GALNT15: variants seen among roughly 807,000 people sequenced by gnomAD.
GALNT15 encodes the protein polypeptide N-acetylgalactosaminyltransferase 15.
A neutral mutation model predicts 66.8 loss-of-function variants in GALNT15; 67 were observed. The ratio of observed to expected loss-of-function variants is 1.00; its 90% CI spans 0.82 to 1.23. The LOEUF (loss-of-function observed/expected upper bound fraction) is 1.23. Ranked by LOEUF, GALNT15 falls within the 50% of genes most tolerant of loss-of-function variation. The pLI is 0.00. For missense variants in GALNT15, 827 were observed against 804.3 expected, an observed-to-expected ratio of 1.03 and a Z score of -0.34; for synonymous variants, 313 against 311.5, an observed-to-expected ratio of 1.00 and a Z score of -0.05.
chr3:16,215,842 G>A (rs973439824), intron 6 of GALNT15, among the ~76,000 whole-genome samples: 5 of 150,042 alleles, frequency 3.3e-5, no homozygotes, highest in Admixed American at 6.8e-5. Context: ...CCCAGAAGGC[G>A]GAGGTTGTAG....
At chr3:16,245,851 C>T in the GALNT15 span, among the ~76,000 whole-genome samples, 2 of 152,146 alleles carry the variant, frequency 1.3e-5, no homozygotes, top group Non-Finnish European at 2.9e-5. Context: ...TCTGCAAGCT[C>T]CAGGGAGGAA....
chr3:16,222,893 G>A (rs1280480798), intron 9 of GALNT15, 135 bp downstream of exon 9: 15 of 1,041,156 alleles, frequency 1.4e-5, no homozygotes, highest in Non-Finnish European at 1.8e-5. Flanking sequence ...TAGTGGCTGG[G>A]CAGTAAGGCC....
intron 9 of GALNT15, among the ~76,000 whole-genome samples, chr3:16,223,686 G>A (rs942402083): frequency 6.9e-6 from 1 of 145,572 alleles, no homozygotes; most frequent in East Asian, 2.0e-4. Context: ...CATGCTCAAA[G>A]AAGTCTTTTT....
rs1356010 is a variant in GALNT15, at chr3:16,224,044, T to C, written c.1773+1286T>C. On this transcript the variant is annotated intron_variant, in intron 9 of 9. Transcript: ENST00000339732. The surrounding 1 kb of genome is among the most constrained non-coding windows in gnomAD (Gnocchi z 5.2). ...AGGTCCTTTATAAATGATCATAAAG[T>C]ATTTTTCTAAGCAAGTCCTATGAAT... Among the ~76,000 whole-genome samples, 21,628 of 152,194 alleles carry C rather than the reference T, an allele frequency of 0.14. 1,588 individuals are homozygous for C. The highest frequency in any genetic ancestry group is 0.2 in the Admixed American group (3,040 of 15,296).
In GALNT15 at chr3:16,193,742, TCA is replaced by T. The variant is rs1298199214; in HGVS notation, c.540-2015_540-2014del. Among the ~76,000 whole-genome samples the T allele has an allele frequency of 6.6e-6, 1 of 152,206 alleles. No individual in the cohort carries two copies. The highest frequency in any genetic ancestry group is 1.5e-5 in the Non-Finnish European group (1 of 68,034). ...TTGTCACTCTGCCCGCAGTTCCACC[TCA>T]CAGATTCCTTTAGGTGTCCGAAGTT... On this transcript the variant is annotated intron_variant, in intron 1 of 9. Transcript: ENST00000339732. The surrounding 1 kb of genome is among the most constrained non-coding windows in gnomAD (Gnocchi z 4.7).
chr3:16,229,514 ACTGT>A lies in GALNT15; in HGVS notation c.*2017_*2020del. On this transcript the variant is annotated 3_prime_UTR_variant, in exon 10 of 10. Coordinates refer to ENST00000339732, the MANE Select transcript of GALNT15 (RefSeq NM_054110.5). ...CCCATCTAGAGAAGAGACTTTAGTCACTGTCTTCTTGCTTCAGACCCATCTATAT... is the reference window on the plus strand; with the variant it reads ...CCCATCTAGAGAAGAGACTTTAGTCACTTCTTGCTTCAGACCCATCTATAT... 1 of 984,950 alleles carries A rather than the reference ACTGT, an allele frequency of 1.0e-6. No homozygotes were observed. Among genetic ancestry groups the A allele is most frequent in the Non-Finnish European group, 1.2e-6 (1 of 829,480 alleles). The allele number at this position is 984,950 out of a possible 1,614,324, so 61.0% of individuals were successfully genotyped here.
downstream of GALNT15, among the ~76,000 whole-genome samples, chr3:16,235,117 G>A (rs1208333196): frequency 6.6e-6 from 1 of 152,014 alleles, no homozygotes; most frequent in Non-Finnish European, 1.5e-5. Context: ...TAAAGACAGG[G>A]TTTCAACATT....
rs199531593 is a variant in GALNT15, at chr3:16,175,452, T to G, written c.301T>G (p.Leu101Val). 5.1e-5 allele frequency: 82 copies of G among 1,614,096 alleles called. No individual in the cohort carries two copies. The African/African-American group carries it at 9.9e-4, about 19-fold the overall frequency. ...REDQLLVAVA[L>V]PQARRNQSQG... ...GGATCAGCTGCTGGTGGCCGTGGCC[T>G]TACCCCAGGCCAGAAGGAACCAGAG... The change falls in exon 1 of 10, where the codon TTA becomes GTA. Residue 101 changes from leucine to valine, a missense_variant. Transcript: ENST00000339732. This position sits in a 1 kb window ranked among gnomAD's most constrained non-coding sequence, Gnocchi z 5.6.
Position 16,225,956 on chromosome 3 carries a change from G to A in GALNT15, c.1774-1398G>A, listed in dbSNP as rs1304914252. Among the ~76,000 whole-genome samples the A allele has an allele frequency of 6.6e-6, 1 of 151,552 alleles. No homozygotes were observed. Among genetic ancestry groups the A allele is most frequent in the Admixed American group, 6.6e-5 (1 of 15,198 alleles). ...CCCAGCTACACGGGAGGCTGCAGTA[G>A]GAGAATCGCTTGAACCTGGGAGATG... On this transcript the variant is annotated intron_variant, in intron 9 of 9. Coordinates refer to ENST00000339732, the MANE Select transcript of GALNT15 (RefSeq NM_054110.5). The surrounding 1 kb of genome is among the most constrained non-coding windows in gnomAD (Gnocchi z 4.4).
chr3:16,206,562 A>C (rs1025449619), intron 3 of GALNT15, among the ~76,000 whole-genome samples: 4 of 150,590 alleles, frequency 2.7e-5, no homozygotes, highest in Admixed American at 1.3e-4. Context: ...AGTCCCAGCT[A>C]CTTGGGAGGC....
At chr3:16,242,600 AAAAAT>A in the GALNT15 span, among the ~76,000 whole-genome samples, 6 of 152,170 alleles carry the variant, frequency 3.9e-5, no homozygotes, top group East Asian at 3.9e-4. This position sits in a 1 kb window ranked among gnomAD's most constrained non-coding sequence, Gnocchi z 5.6. Context: ...TCTACCAAAA[AAAAAT>A]AAAATAAAAT....
chr3:16,236,409 A>G (rs1453539782), downstream of GALNT15, among the ~76,000 whole-genome samples: 1 of 152,236 alleles, frequency 6.6e-6, no homozygotes, highest in East Asian at 1.9e-4. Flanking sequence ...AGCCATGGAC[A>G]ATAATCAACA....
In GALNT15 at chr3:16,209,216, A is replaced by G. The variant is rs2124883627; in HGVS notation, c.1079+546A>G. Among the ~76,000 whole-genome samples the G allele has an allele frequency of 6.6e-6, 1 of 152,356 alleles. No homozygotes were observed. The highest frequency in any genetic ancestry group is 3.4e-3 in the Middle Eastern group (1 of 294). ...GTACTAGATATCTTATGCATAACAAATCACCTCAAACTTGGTGTAAAACAC... is the reference window on the plus strand; with the variant it reads ...GTACTAGATATCTTATGCATAACAAGTCACCTCAAACTTGGTGTAAAACAC... On this transcript the variant is annotated intron_variant, in intron 4 of 9. Coordinates refer to ENST00000339732, the MANE Select transcript of GALNT15 (RefSeq NM_054110.5). This position sits in a 1 kb window ranked among gnomAD's most constrained non-coding sequence, Gnocchi z 4.1.
chr3:16,240,549 A>T, the GALNT15 span, among the ~76,000 whole-genome samples: 1 of 152,264 alleles, frequency 6.6e-6, no homozygotes, highest in Non-Finnish European at 1.5e-5. Context: ...CAAGTGGGAC[A>T]CAAAATAGAC....
At position 16,211,541 on chromosome 3, in the gene GALNT15, C is replaced by A. The variant is rs755733086; in HGVS notation, c.1197+300C>A. Among the ~76,000 whole-genome samples, 1 of 152,330 alleles carries A rather than the reference C, an allele frequency of 6.6e-6. No homozygotes were observed. The highest frequency in any genetic ancestry group is 2.4e-5 in the African/African-American group (1 of 41,572). ...GCTCTCATACATTCTCTATTCACAG[C>A]GCTCTTAGCATCTTAGTAATTTTTT... On this transcript the variant is annotated intron_variant, in intron 5 of 9. Coordinates refer to ENST00000339732, the MANE Select transcript of GALNT15 (RefSeq NM_054110.5). The surrounding 1 kb of genome is among the most constrained non-coding windows in gnomAD (Gnocchi z 4.3).
chr3:16,213,899 C>T (rs1429083653), intron 6 of GALNT15, among the ~76,000 whole-genome samples: 1 of 152,238 alleles, frequency 6.6e-6, no homozygotes, highest in Non-Finnish European at 1.5e-5. Flanking sequence ...AGATCCAATC[C>T]TTTCCCTAAG....
the GALNT15 span, among the ~76,000 whole-genome samples, chr3:16,244,605 G>A: frequency 6.6e-6 from 1 of 152,212 alleles, no homozygotes; most frequent in African/African-American, 2.4e-5. Context: ...TACATGTTTT[G>A]AAGAATGTGC....
intron 6 of GALNT15, among the ~76,000 whole-genome samples, chr3:16,215,044 A>G (rs189260618): frequency 2.6e-5 from 4 of 152,352 alleles, no homozygotes; most frequent in Admixed American, 1.3e-4. Context: ...GAACTCTTAA[A>G]GAAGTGTTAA....
At chr3:16,220,671 A>G (rs1305048465) in intron 8 of GALNT15, among the ~76,000 whole-genome samples, 1 of 152,226 alleles carries the variant, frequency 6.6e-6, no homozygotes, top group Non-Finnish European at 1.5e-5. Flanking sequence ...ATCACATCCC[A>G]AAGGCCCCTA....
Sources: allele counts gnomAD v4.1 joint callset (sites outside exome capture counted in the v4.1 genomes callset), GRCh38; gene constraint gnomAD v4.1.1; non-coding constraint Gnocchi (gnomAD v3.1); transcripts MANE v1.5; gene names NCBI Gene and HGNC (gene_info 2026-07-23, HGNC 2026-07-21).